The following NPC1 variants were observed in gnomAD, a reference collection of about 807,000 sequenced individuals.
NPC1 encodes Niemann-Pick C1 protein.
A neutral mutation model predicts 140.4 loss-of-function variants in NPC1; 85 were observed. That is an observed-to-expected ratio of 0.61 (90% CI 0.51 to 0.72). NPC1 has a LOEUF of 0.72. Among genes scored for constraint, NPC1 ranks in the 30% least tolerant of loss-of-function variants. NPC1 has a pLI of 0.00. For synonymous variants in NPC1, 656 were observed against 624.8 expected (o/e 1.05, Z -0.74); for missense variants, 1,504 against 1,623.8 (o/e 0.93, Z 1.27).
At position 23,548,328 on chromosome 18, in the gene NPC1, G is replaced by A. The variant is rs1282123709; in HGVS notation, c.1655-220C>T. On this transcript the variant is annotated intron_variant, in intron 10 of 24. Coordinates refer to ENST00000269228, the MANE Select transcript of NPC1 (RefSeq NM_000271.5). Reference sequence around the variant, plus strand: ...TGAGGTAGGCATGGTTATCATTCAGGAAGAGTAACTCTTTTTTTTTTTTTT... The same window carrying A: ...TGAGGTAGGCATGGTTATCATTCAGAAAGAGTAACTCTTTTTTTTTTTTTT... 4.7e-5 allele frequency among the ~76,000 whole-genome samples: 7 copies of A among 148,546 alleles called. No individual in the cohort carries two copies. In the East Asian group the frequency reaches 9.7e-4, roughly 21 times the overall value.
At chr18:23,524,574 CT>C, downstream of NPC1, 1 of 1,313,694 alleles carries the variant, frequency 7.6e-7, no homozygotes, top group Non-Finnish European at 1.1e-6. Flanking sequence ...AGGTGAATCT[CT>C]TAGAAATGAC....
At chr18:23,565,111 CTT>C (rs199752342) in intron 4 of NPC1, among the ~76,000 whole-genome samples, 1 of 151,926 alleles carries the variant, frequency 6.6e-6, no homozygotes, top group African/African-American at 2.4e-5. Context: ...CTATTTTGTT[CTT>C]TTTTCAGGGT....
At chr18:23,570,816 A>T (rs2059190937) in intron 3 of NPC1, among the ~76,000 whole-genome samples, 1 of 152,140 alleles carries the variant, frequency 6.6e-6, no homozygotes. Context: ...AACAGAACAG[A>T]TAAAAAACTA....
At chr18:23,526,660 A>C (rs774497393), downstream of NPC1, 1 of 1,614,136 alleles carries the variant, frequency 6.2e-7, no homozygotes, top group Non-Finnish European at 8.5e-7. Context: ...CCTCCAAGTG[A>C]AACTTGAGCC....
chr18:23,584,405 T>C (rs112864348), intron 1 of NPC1, among the ~76,000 whole-genome samples: 1 of 152,186 alleles, frequency 6.6e-6, no homozygotes, highest in Non-Finnish European at 1.5e-5. Flanking sequence ...AAAATAATAA[T>C]AGGATTATTT....
Position 23,556,504 on chromosome 18 carries a change from GA to G in NPC1, c.1064del (p.Phe355SerfsTer94). ...FCVRNPGCVI[F>X]FSLVFITACS... is the part of the protein sequence containing the mutation. ...ACGCAGTAATGAAGACCAGCGAGAAGAAAATGACACAGCCAGGGTTTCGGAC... is the reference window on the plus strand; with the variant it reads ...ACGCAGTAATGAAGACCAGCGAGAAGAAATGACACAGCCAGGGTTTCGGAC... On this transcript the variant is annotated frameshift_variant, in exon 8 of 25. Coordinates refer to ENST00000269228, the MANE Select transcript of NPC1 (RefSeq NM_000271.5). LOFTEE classifies it high-confidence loss of function. 6.2e-7 allele frequency: 1 copy of G among 1,614,232 alleles called. No individual in the cohort carries two copies. Among genetic ancestry groups the G allele is most frequent in the Non-Finnish European group, 8.5e-7 (1 of 1,180,048 alleles).
rs967148283 is a variant in NPC1 at position 23,586,391 on chromosome 18, G to C, written c.-48C>G. The C allele has an allele frequency of 7.2e-6, 11 of 1,529,990 alleles. No individual in the cohort carries two copies. Among genetic ancestry groups the C allele is most frequent in the Non-Finnish European group, 7.9e-6 (9 of 1,144,652 alleles). 94.8% of individuals were successfully genotyped at this position (1,529,990 alleles called of 1,614,324 possible). Reference sequence around the variant, plus strand: ...GACGCCGGCGGCGTTCGGCTGGTTGGGCTCCCCGGAGGCGGCTCTACTTCC... The same window carrying C: ...GACGCCGGCGGCGTTCGGCTGGTTGCGCTCCCCGGAGGCGGCTCTACTTCC... On this transcript the variant is annotated 5_prime_UTR_variant, in exon 1 of 25. Transcript: ENST00000269228.
chr18:23,575,769 C>CA (rs35922440), intron 1 of NPC1, among the ~76,000 whole-genome samples: 4,145 of 35,022 alleles, frequency 0.12, 647 homozygotes, highest in Non-Finnish European at 0.13. Context: ...CAGAGAAGAC[C>CA]AAAAAAAAAA....
exon 4 of NPC1, chr18:23,506,420 A>T (rs532605939): frequency 6.6e-6 from 1 of 151,894 alleles, no homozygotes; most frequent in Non-Finnish European, 1.5e-5. Flanking sequence ...TGGAATAGAG[A>T]CGGGGTCTCA....
At chr18:23,509,303 T>C in intron 3 of NPC1, 1 of 1,280,778 alleles carries the variant, frequency 7.8e-7, no homozygotes, top group Non-Finnish European at 1.0e-6. Context: ...CATTTATGTT[T>C]GTTGGTTAAA....
downstream of NPC1, among the ~76,000 whole-genome samples, chr18:23,531,281 A>C (rs2058495319): frequency 6.6e-6 from 1 of 152,078 alleles, no homozygotes; most frequent in Non-Finnish European, 1.5e-5. Context: ...GAGCCACCGC[A>C]CCTGGCCCTG....
intron 1 of NPC1, among the ~76,000 whole-genome samples, chr18:23,578,953 C>T (rs964883875): frequency 6.6e-6 from 1 of 152,226 alleles, no homozygotes; most frequent in African/African-American, 2.4e-5. Context: ...AGATGCCTGC[C>T]GCTTGCCTCT....
At chr18:23,578,979 A>T (rs1376887994) in intron 1 of NPC1, among the ~76,000 whole-genome samples, 1 of 152,178 alleles carries the variant, frequency 6.6e-6, no homozygotes, top group Non-Finnish European at 1.5e-5. Flanking sequence ...AACAATGCTC[A>T]AAGTTTTCTG....
rs770544235 is a variant in NPC1 at position 23,573,518 on chromosome 18, C to T, written c.114G>A (p.Lys38=). ...YGECGIAYGD[K]RYNCEYSGPP... ...GGCCAGAATATTCGCAATTGTACCT[C>T]TTGTCCCCATATGCAATTCCACACT... Residue 38 remains lysine, a synonymous_variant, in exon 2 of 25, where the codon AAG becomes AAA. Transcript: ENST00000269228. The T allele has an allele frequency of 6.2e-7, 1 of 1,614,186 alleles. No homozygotes were observed. The highest frequency in any genetic ancestry group is 1.1e-5 in the South Asian group (1 of 91,090).
rs752845943 is a variant in NPC1, at chr18:23,560,475, G to A, written c.637C>T (p.Pro213Ser). The A allele has an allele frequency of 1.2e-6, 2 of 1,614,018 alleles. No individual in the cohort carries two copies. The highest frequency in any genetic ancestry group is 2.2e-5 in the South Asian group (2 of 91,054). ...TTCATGGGCTCCATCCCATGGACTG[G>A]AAAATCTACAGAAAGGAATTGTGTT... ...FTITPVFSDF[P>S]VHGMEPMNNA... The change falls in exon 6 of 25, where the codon CCA becomes TCA. Residue 213 changes from proline (P) to serine (S), a missense_variant. Physicochemically the swap from Pro to Ser is moderately conservative, Grantham distance 74. Transcript: ENST00000269228.
At chr18:23,528,560 T>C (rs553503651), downstream of NPC1, 1 of 153,268 alleles carries the variant, frequency 6.5e-6, no homozygotes, top group East Asian at 1.9e-4. Context: ...TAGCTGTTCA[T>C]GGAAGGGTAA....
In NPC1 at chr18:23,556,287, C is replaced by CA; in HGVS notation, c.1281dup (p.Asp428Ter). On this transcript the variant is annotated frameshift_variant, in exon 8 of 25. Transcript: ENST00000269228. LOFTEE classifies it high-confidence loss of function. ...TCAAGCGGAGGTCCAAAGGGTACAT[C>CA]AGCTCCCGAAGGGTATGGCTGGTAA... is the stretch of plus-strand genomic sequence containing the variant. 1.2e-6 allele frequency: 2 copies of CA among 1,614,134 alleles called. No individual in the cohort carries two copies. Among genetic ancestry groups the CA allele is most frequent in the South Asian group, 2.2e-5 (2 of 91,078 alleles).
rs768924773 is a variant in NPC1 at position 23,507,074 on chromosome 18, T to C, written c.432-432A>G. ...ACTGTGGTAAGACTTATCTTTAAAA[T>C]ACAGCATTAAAGGGCATTAGAAATA... On this transcript the variant is annotated intron_variant, in intron 3 of 3. Transcript: ENST00000591107. 16 of 1,508,088 alleles carry C rather than the reference T, an allele frequency of 1.1e-5. No individual in the cohort carries two copies. The East Asian group carries it at 3.4e-4, about 32-fold the overall frequency. The allele number at this position is 1,508,088 out of a possible 1,614,324, so 93.4% of individuals were successfully genotyped here.
chr18:23,551,236 C>A lies in NPC1; in HGVS notation c.1654+391G>T, dbSNP rs188984335. On this transcript the variant is annotated intron_variant, in intron 10 of 24. Transcript: ENST00000269228. ...CAACTTTGTTTCTTTTTCCACATACCTCACATACTATCTTTTCTCTATCAC... is the reference window on the plus strand; with the variant it reads ...CAACTTTGTTTCTTTTTCCACATACATCACATACTATCTTTTCTCTATCAC... Among the ~76,000 whole-genome samples, 6 of 152,304 alleles carry A rather than the reference C, an allele frequency of 3.9e-5. No homozygotes were observed. The East Asian group carries it at 9.7e-4, about 25-fold the overall frequency.
Sources: gnomAD v4.1 joint callset for allele counts (sites outside exome capture counted in the v4.1 genomes callset) on GRCh38, gnomAD v4.1.1 for gene constraint, MANE v1.5 for transcripts, NCBI Gene and HGNC (gene_info 2026-07-23, HGNC 2026-07-21) for gene names.